Variants in ST3GAL3 observed in about 807,000 individuals in gnomAD.
ST3GAL3 encodes CMP-N-acetylneuraminate-beta-1,4-galactoside alpha-2,3-sialyltransferase.
A neutral mutation model predicts 50.1 loss-of-function variants in ST3GAL3; 21 were observed. The ratio of observed to expected loss-of-function variants is 0.42; its 90% CI spans 0.30 to 0.60. ST3GAL3 has a LOEUF of 0.60. ST3GAL3 is among the 20% of genes least tolerant of loss of function. The pLI, the probability that ST3GAL3 is intolerant of heterozygous loss-of-function variation, is 0.19. For synonymous variants in ST3GAL3, 183 were observed against 190.0 expected (o/e 0.96, Z 0.30); for missense variants, 353 against 489.4 (o/e 0.72, Z 2.63).
intron 1 of ST3GAL3, among the ~76,000 whole-genome samples, chr1:43,713,941 C>T (rs537570408): frequency 6.6e-6 from 1 of 152,240 alleles, no homozygotes; most frequent in African/African-American, 2.4e-5. Context: ...AAGGGAATTA[C>T]TCTGAGATCA....
chr1:43,714,194 G>A (rs1043915152), intron 1 of ST3GAL3, among the ~76,000 whole-genome samples: 2 of 151,576 alleles, frequency 1.3e-5, no homozygotes, highest in African/African-American at 2.4e-5. Flanking sequence ...AACCCGGGAG[G>A]CGGAGGTTGC....
At position 43,719,340 on chromosome 1, in the gene ST3GAL3, C is replaced by T. The variant is rs559024468; in HGVS notation, c.-31+11647C>T. On this transcript the variant is annotated intron_variant, in intron 1 of 11. Coordinates refer to ENST00000347631, the MANE Select transcript of ST3GAL3 (RefSeq NM_006279.5). ...GATGCTACCTCACACTCTATGGTGGCTGGAATCAAAACAGCAGATAAGAAT... is the reference window on the plus strand; with the variant it reads ...GATGCTACCTCACACTCTATGGTGGTTGGAATCAAAACAGCAGATAAGAAT... Among the ~76,000 whole-genome samples the T allele has an allele frequency of 6.2e-4, 94 of 152,170 alleles. No individual in the cohort carries two copies. The Middle Eastern group carries it at 0.017, about 28-fold the overall frequency.
chr1:43,792,870 C>T (rs994461276), intron 3 of ST3GAL3, among the ~76,000 whole-genome samples: 2 of 152,206 alleles, frequency 1.3e-5, no homozygotes, highest in African/African-American at 4.8e-5. Context: ...CATTGGGTCC[C>T]TATGGGAGCC....
chr1:43,880,337 G>A (rs2074894436), intron 5 of ST3GAL3, among the ~76,000 whole-genome samples: 1 of 152,100 alleles, frequency 6.6e-6, no homozygotes, highest in South Asian at 2.1e-4. Flanking sequence ...GAAAAGAGTC[G>A]ATGTGGTGAG....
intron 1 of ST3GAL3, among the ~76,000 whole-genome samples, chr1:43,722,577 T>C (rs1037727295): frequency 6.6e-6 from 1 of 152,184 alleles, no homozygotes; most frequent in Non-Finnish European, 1.5e-5. Context: ...TAGTAGTCCA[T>C]GCAAAAGGTT....
chr1:43,740,942 GAGGA>G (rs1335023240), intron 2 of ST3GAL3, among the ~76,000 whole-genome samples: 2 of 151,222 alleles, frequency 1.3e-5, no homozygotes, highest in African/African-American at 2.4e-5. Context: ...GGGAGGAAAG[GAGGA>G]AGGAAGGAAG....
At chr1:43,769,238 A>C (rs1474131115) in intron 2 of ST3GAL3, among the ~76,000 whole-genome samples, 1 of 152,250 alleles carries the variant, frequency 6.6e-6, no homozygotes, top group African/African-American at 2.4e-5. Flanking sequence ...TTAGCAGACT[A>C]GGACTAGCAG....
intron 1 of ST3GAL3, among the ~76,000 whole-genome samples, chr1:43,735,931 T>C (rs1678208408): frequency 2.0e-5 from 3 of 152,152 alleles, no homozygotes; most frequent in Admixed American, 1.3e-4. Flanking sequence ...GTAGTGATCA[T>C]GGGAAGGGGC....
chr1:43,753,834 T>C (rs920241129), intron 2 of ST3GAL3, among the ~76,000 whole-genome samples: 1 of 152,140 alleles, frequency 6.6e-6, no homozygotes, highest in Non-Finnish European at 1.5e-5. Context: ...TTAGGAGGGC[T>C]GCAGCTGGGT....
intron 11 of ST3GAL3, chr1:43,921,914 CACA>C (rs2083091469): frequency 2.5e-6 from 1 of 397,458 alleles, no homozygotes; most frequent in East Asian, 3.6e-5. Flanking sequence ...TTCCAGTGGA[CACA>C]ACGTCATCTT....
intron 5 of ST3GAL3, among the ~76,000 whole-genome samples, chr1:43,878,339 A>C (rs771755444): frequency 1.3e-5 from 2 of 152,232 alleles, no homozygotes; most frequent in Non-Finnish European, 2.9e-5. Context: ...ACAAGCAATA[A>C]ACAACTAAGA....
intron 2 of ST3GAL3, among the ~76,000 whole-genome samples, chr1:43,777,918 C>T (rs1340941872): frequency 6.6e-6 from 1 of 152,036 alleles, no homozygotes; most frequent in African/African-American, 2.4e-5. Flanking sequence ...CCCAGCAATC[C>T]CATTACTAGG....
At chr1:43,823,294 C>T (rs954465200) in intron 4 of ST3GAL3, among the ~76,000 whole-genome samples, 1 of 152,194 alleles carries the variant, frequency 6.6e-6, no homozygotes, top group African/African-American at 2.4e-5. Context: ...TTATAGTGCT[C>T]ATCAAGGCCC....
chr1:43,817,099 C>T (rs1021936585), intron 4 of ST3GAL3, among the ~76,000 whole-genome samples: 4 of 152,196 alleles, frequency 2.6e-5, no homozygotes, highest in African/African-American at 9.7e-5. Flanking sequence ...TGAATCAGAA[C>T]TTGATTTGAA....
At chr1:43,902,561 T>C (rs1044015669) in intron 9 of ST3GAL3, among the ~76,000 whole-genome samples, 3 of 152,104 alleles carry the variant, frequency 2.0e-5, no homozygotes, top group Non-Finnish European at 4.4e-5. Context: ...CACTGATATC[T>C]CCAAACAGGT....
At position 43,717,006 on chromosome 1, in the gene ST3GAL3, G is replaced by A. The variant is rs951807575; in HGVS notation, c.-31+9313G>A. 3.3e-5 allele frequency among the ~76,000 whole-genome samples: 5 copies of A among 152,154 alleles called. No individual in the cohort carries two copies. In the South Asian group the frequency reaches 8.3e-4, roughly 25 times the overall value. On this transcript the variant is annotated intron_variant, in intron 1 of 11. Coordinates refer to ENST00000347631, the MANE Select transcript of ST3GAL3 (RefSeq NM_006279.5). ...AGATTTACGTCATTTGTTTATGTACGTGGTTCCTCATTGCCAATGGGATAA... is the reference window on the plus strand; with the variant it reads ...AGATTTACGTCATTTGTTTATGTACATGGTTCCTCATTGCCAATGGGATAA...
At chr1:43,830,406 A>G (rs751801029) in intron 4 of ST3GAL3, among the ~76,000 whole-genome samples, 1 of 152,120 alleles carries the variant, frequency 6.6e-6, no homozygotes, top group Non-Finnish European at 1.5e-5. Flanking sequence ...CATAGTATGT[A>G]TGTGTTTTCT....
At chr1:43,723,803 G>C (rs952318980) in intron 1 of ST3GAL3, among the ~76,000 whole-genome samples, 4 of 151,868 alleles carry the variant, frequency 2.6e-5, no homozygotes, top group African/African-American at 9.7e-5. Flanking sequence ...GTAGAGATGA[G>C]GTTTCACCAT....
intron 1 of ST3GAL3, among the ~76,000 whole-genome samples, chr1:43,726,864 G>T (rs925742796): frequency 6.6e-6 from 1 of 152,160 alleles, no homozygotes; most frequent in African/African-American, 2.4e-5. Context: ...AAAGTGCTGG[G>T]ATTACAGGTG....
Sources: gnomAD v4.1 joint callset for allele counts (sites outside exome capture counted in the v4.1 genomes callset) on GRCh38, gnomAD v4.1.1 for gene constraint, MANE v1.5 for transcripts, NCBI Gene and HGNC (gene_info 2026-07-23, HGNC 2026-07-21) for gene names.